Variants in STPG2 observed in about 807,000 individuals in gnomAD.
STPG2 encodes sperm-tail PG-rich repeat-containing protein 2.
In STPG2, 56 loss-of-function variants were observed where a neutral mutation model predicts 54.2. The observed-to-expected ratio is 1.03, with a 90% CI of 0.83 to 1.29. The LOEUF (loss-of-function observed/expected upper bound fraction) is 1.29, where lower values mean the gene tolerates loss of function less well. Among genes scored for constraint, STPG2 ranks in the 50% most tolerant of loss-of-function variants. The probability of loss-of-function intolerance (pLI) is 0.00; values close to 1 mark genes in which losing one functional copy is unlikely to be tolerated. For synonymous variants in STPG2, 200 were observed against 181.8 expected (o/e 1.10, Z -0.81); for missense variants, 596 against 544.9 (o/e 1.09, Z -0.93).
chr4:97,689,484 C>T (rs780994856), intron 10 of STPG2, among the ~76,000 whole-genome samples: 7 of 152,028 alleles, frequency 4.6e-5, no homozygotes, highest in Non-Finnish European at 8.8e-5. Flanking sequence ...GTGATACTTG[C>T]GATTTTGTAT....
chr4:97,469,977 G>T (rs1729882826), intron 4 of STPG2, among the ~76,000 whole-genome samples: 1 of 152,038 alleles, frequency 6.6e-6, no homozygotes, highest in Admixed American at 6.6e-5. Context: ...ATTTCTAGGA[G>T]CTATGTGTAA....
At chr4:97,677,027 A>G (rs1398919920) in intron 10 of STPG2, among the ~76,000 whole-genome samples, 1 of 152,200 alleles carries the variant, frequency 6.6e-6, no homozygotes, top group African/African-American at 2.4e-5. Flanking sequence ...TAACAAATTT[A>G]TAGTAGTAGT....
intron 8 of STPG2, among the ~76,000 whole-genome samples, chr4:97,920,170 T>C (rs1278172536): frequency 6.6e-6 from 1 of 152,168 alleles, no homozygotes; most frequent in African/African-American, 2.4e-5. Flanking sequence ...TAAAACAGGC[T>C]TTGTATCAGA....
chr4:97,799,001 G>A (rs1560533071), intron 9 of STPG2, among the ~76,000 whole-genome samples: 1 of 91,286 alleles, frequency 1.1e-5, no homozygotes, highest in Non-Finnish European at 2.2e-5. Context: ...AACTAGGATT[G>A]CAACCCCTGC....
At chr4:97,494,992 C>A (rs1476321596) in intron 4 of STPG2, among the ~76,000 whole-genome samples, 2 of 151,376 alleles carry the variant, frequency 1.3e-5, no homozygotes, top group Non-Finnish European at 3.0e-5. Flanking sequence ...AAATAATTAA[C>A]AAATGTTTCT....
chr4:97,959,880 A>G (rs1266459873), intron 7 of STPG2, among the ~76,000 whole-genome samples: 1 of 152,076 alleles, frequency 6.6e-6, no homozygotes, highest in African/African-American at 2.4e-5. Context: ...CAAAACATGG[A>G]AAGGACATAA....
chr4:97,654,881 T>A (rs1215815328), intron 10 of STPG2, among the ~76,000 whole-genome samples: 1 of 152,108 alleles, frequency 6.6e-6, no homozygotes, highest in Non-Finnish European at 1.5e-5. Context: ...AAAAATGATA[T>A]AATCTATATA....
chr4:97,605,573 T>G (rs984700826), intron 10 of STPG2, among the ~76,000 whole-genome samples: 1 of 151,692 alleles, frequency 6.6e-6, no homozygotes, highest in African/African-American at 2.4e-5. Flanking sequence ...ACAATTAAAT[T>G]AATAATTGAG....
At chr4:97,867,320 A>G (rs1729828358) in intron 8 of STPG2, among the ~76,000 whole-genome samples, 1 of 151,952 alleles carries the variant, frequency 6.6e-6, no homozygotes, top group East Asian at 1.9e-4. Flanking sequence ...AACTAGATTC[A>G]GCACCACTGA....
intron 10 of STPG2, among the ~76,000 whole-genome samples, chr4:97,599,446 C>T (rs1733395684): frequency 6.6e-6 from 1 of 152,170 alleles, no homozygotes; most frequent in Non-Finnish European, 1.5e-5. Context: ...CATATGCATA[C>T]ATATGTTCAT....
At chr4:97,972,943 G>T (rs911981560) in intron 6 of STPG2, among the ~76,000 whole-genome samples, 2 of 152,128 alleles carry the variant, frequency 1.3e-5, no homozygotes, top group African/African-American at 2.4e-5. Flanking sequence ...TTTGCAAATT[G>T]CCCACTCTTG....
In STPG2 at chr4:98,016,066, A is replaced by G. The variant is rs562684653; in HGVS notation, c.613-34748T>C. On this transcript the variant is annotated intron_variant, in intron 5 of 10. Transcript: ENST00000295268. ...ACTCCAGGGCCTGTGTGGGGGTGGA[A>G]GGCTAGGGGAGGGATAGCATTAGGA... Among the ~76,000 whole-genome samples, 70 of 152,238 alleles carry G rather than the reference A, an allele frequency of 4.6e-4. 1 individual carries two copies. The South Asian group carries it at 0.015, about 32-fold the overall frequency.
chr4:97,603,404 C>A (rs1432948957), intron 10 of STPG2, among the ~76,000 whole-genome samples: 1 of 151,434 alleles, frequency 6.6e-6, no homozygotes, highest in African/African-American at 2.4e-5. Context: ...AACAGTATGG[C>A]TGTTACTTAA....
At chr4:98,073,219 T>A (rs141277138) in intron 5 of STPG2, among the ~76,000 whole-genome samples, 242 of 152,248 alleles carry the variant, frequency 1.6e-3, no homozygotes, top group African/African-American at 5.7e-3. Context: ...AAAACACATA[T>A]TTAAAAATTA....
rs181801684 is a variant in STPG2, at chr4:97,797,925, T to A, written c.1204+42848A>T. On this transcript the variant is annotated intron_variant, in intron 9 of 10. Coordinates refer to ENST00000295268, the MANE Select transcript of STPG2 (RefSeq NM_174952.3). ...CCTGGTTTAGTCTTGGGAGGGTGTATGTGTCCAGGAACTTATCCATTTCTT... is the reference window on the plus strand; with the variant it reads ...CCTGGTTTAGTCTTGGGAGGGTGTAAGTGTCCAGGAACTTATCCATTTCTT... 2.8e-3 allele frequency among the ~76,000 whole-genome samples: 425 copies of A among 152,342 alleles called. 3 individuals carry two copies. Among genetic ancestry groups the A allele is most frequent in the African/African-American group, 9.4e-3 (390 of 41,578 alleles).
At chr4:98,000,994 T>C (rs1054185943) in intron 5 of STPG2, among the ~76,000 whole-genome samples, 1 of 152,280 alleles carries the variant, frequency 6.6e-6, no homozygotes, top group Non-Finnish European at 1.5e-5. Context: ...GCTTTGGAGT[T>C]GATGGTTGTC....
chr4:97,637,791 G>A (rs1343351694), intron 10 of STPG2, among the ~76,000 whole-genome samples: 1 of 152,164 alleles, frequency 6.6e-6, no homozygotes, highest in African/African-American at 2.4e-5. Flanking sequence ...TACAAGGGAT[G>A]TGAAGGACCT....
chr4:98,138,971 C>T (rs1740206333), intron 1 of STPG2, among the ~76,000 whole-genome samples: 1 of 152,112 alleles, frequency 6.6e-6, no homozygotes, highest in African/African-American at 2.4e-5. Flanking sequence ...GGAGTAGTCA[C>T]ATTAGTAAAA....
chr4:97,676,832 A>C (rs1722866277), intron 10 of STPG2, among the ~76,000 whole-genome samples: 1 of 152,178 alleles, frequency 6.6e-6, no homozygotes, highest in Non-Finnish European at 1.5e-5. Flanking sequence ...CACTGCCACA[A>C]GGTTCTTGAA....
Sources: allele counts gnomAD v4.1 joint callset (sites outside exome capture counted in the v4.1 genomes callset), GRCh38; gene constraint gnomAD v4.1.1; transcripts MANE v1.5; gene names NCBI Gene and HGNC (gene_info 2026-07-23, HGNC 2026-07-21).